Variants in TTC7B observed in about 807,000 individuals in gnomAD.
The protein encoded by TTC7B is tetratricopeptide repeat domain 7B.
A neutral mutation model predicts 106.8 loss-of-function variants in TTC7B; 28 were observed. The observed-to-expected ratio is 0.26, with a 90% CI of 0.19 to 0.36. TTC7B has a LOEUF of 0.36. Among genes scored for constraint, TTC7B ranks in the 10% least tolerant of loss-of-function variants. TTC7B has a pLI of 1.00. For synonymous variants in TTC7B, 405 were observed against 430.6 expected (o/e 0.94, Z 0.74); for missense variants, 862 against 1,076.4 (o/e 0.80, Z 2.79).
intron 5 of TTC7B, among the ~76,000 whole-genome samples, chr14:90,701,317 C>A (rs1887975310): frequency 6.6e-6 from 1 of 152,164 alleles, no homozygotes; most frequent in Non-Finnish European, 1.5e-5. Context: ...TACATTTGGT[C>A]AGCCGGCCAG....
chr14:90,609,794 C>T (rs554341476), intron 17 of TTC7B, among the ~76,000 whole-genome samples: 6 of 152,228 alleles, frequency 3.9e-5, no homozygotes, highest in South Asian at 4.1e-4. Context: ...GTGAGTCTGT[C>T]GAGTCACCCA....
Position 90,578,511 on chromosome 14 carries a change from G to A in TTC7B, c.2108-203C>T, listed in dbSNP as rs1891356740. 6.6e-6 allele frequency among the ~76,000 whole-genome samples: 1 copy of A among 152,030 alleles called. No individual in the cohort carries two copies. Reference sequence around the variant, plus strand: ...GGGGACTGGAGTCACTCGTGTTGTGGGCCTTGCAGGGCAGGCATAGGTCAC... The same window carrying A: ...GGGGACTGGAGTCACTCGTGTTGTGAGCCTTGCAGGGCAGGCATAGGTCAC... On this transcript the variant is annotated intron_variant, in intron 18 of 19. Transcript: ENST00000328459. This position sits in a 1 kb window ranked among gnomAD's most constrained non-coding sequence, Gnocchi z 4.7.
intron 19 of TTC7B, among the ~76,000 whole-genome samples, chr14:90,543,655 A>T (rs971156297): frequency 3.3e-5 from 5 of 152,224 alleles, no homozygotes. Context: ...TTAGAAGTCA[A>T]ATTGCACTTG....
At position 90,608,192 on chromosome 14, in the gene TTC7B, G is replaced by A. The variant is rs1007750360; in HGVS notation, c.1966+2550C>T. On this transcript the variant is annotated intron_variant, in intron 17 of 19. Transcript: ENST00000328459. This position sits in a 1 kb window ranked among gnomAD's most constrained non-coding sequence, Gnocchi z 5.1. ...CTGGGCTTTATTAATCAAGATGGAGGCATTTTTCCCCATTTTTAGGCAAGC... is the reference window on the plus strand; with the variant it reads ...CTGGGCTTTATTAATCAAGATGGAGACATTTTTCCCCATTTTTAGGCAAGC... Among the ~76,000 whole-genome samples, 11 of 152,176 alleles carry A rather than the reference G, an allele frequency of 7.2e-5. No individual in the cohort carries two copies. The highest frequency in any genetic ancestry group is 2.7e-4 in the African/African-American group (11 of 41,428).
At chr14:90,612,092 G>A (rs573206758) in intron 16 of TTC7B, among the ~76,000 whole-genome samples, 7 of 152,210 alleles carry the variant, frequency 4.6e-5, no homozygotes, top group South Asian at 4.2e-4. Context: ...CAATTTCCAC[G>A]TCCAGCGATT....
Position 90,572,729 on chromosome 14 carries a change from C to T in TTC7B, c.2310+5377G>A, listed in dbSNP as rs113234428. ...CAGAAGACAAAAGAGCACTTTTGGG[C>T]CCACCATGCCCGGAACAAAAAGCTT... is the stretch of plus-strand genomic sequence containing the variant. On this transcript the variant is annotated intron_variant, in intron 19 of 19. Transcript: ENST00000328459. 9.3e-3 allele frequency among the ~76,000 whole-genome samples: 1,418 copies of T among 152,268 alleles called. 22 individuals are homozygous for T. The highest frequency in any genetic ancestry group is 0.033 in the African/African-American group (1,361 of 41,546).
chr14:90,796,388 T>C (rs368891155), intron 1 of TTC7B, among the ~76,000 whole-genome samples: 1 of 152,112 alleles, frequency 6.6e-6, no homozygotes. Flanking sequence ...ACCAAGGAGA[T>C]ATGGGGAATG....
intron 3 of TTC7B, among the ~76,000 whole-genome samples, chr14:90,758,492 C>A (rs1443791958): frequency 1.3e-5 from 2 of 151,750 alleles, no homozygotes; most frequent in African/African-American, 4.8e-5. Flanking sequence ...GGCACGGTCC[C>A]AAGGCCGACC....
chr14:90,672,558 C>T (rs892328192), intron 9 of TTC7B, among the ~76,000 whole-genome samples: 2 of 152,164 alleles, frequency 1.3e-5, no homozygotes, highest in African/African-American at 2.4e-5. Context: ...CACTTAATGC[C>T]TATCAGGCCT....
chr14:90,718,730 G>A (rs1321804040), intron 5 of TTC7B, among the ~76,000 whole-genome samples: 1 of 151,832 alleles, frequency 6.6e-6, no homozygotes, highest in Non-Finnish European at 1.5e-5. Context: ...ATGAGCCACA[G>A]CCGTCTCAGC....
chr14:90,757,073 C>T lies in TTC7B; in HGVS notation c.446-12151G>A, dbSNP rs1890327828. The stretch of plus-strand genomic sequence containing the variant: ...AAGAGATCATGGAGTCAGAGACAAA[C>T]AGTTAGCAGAAGGCTTAACGTGGTG... On this transcript the variant is annotated intron_variant, in intron 3 of 19. Coordinates refer to ENST00000328459, the MANE Select transcript of TTC7B (RefSeq NM_001010854.2). This position sits in a 1 kb window ranked among gnomAD's most constrained non-coding sequence, Gnocchi z 4.1. 6.6e-6 allele frequency among the ~76,000 whole-genome samples: 1 copy of T among 152,114 alleles called. No homozygotes were observed. The highest frequency in any genetic ancestry group is 1.5e-5 in the Non-Finnish European group (1 of 68,032).
At chr14:90,614,842 G>T (rs1006064519) in intron 16 of TTC7B, among the ~76,000 whole-genome samples, 1 of 152,242 alleles carries the variant, frequency 6.6e-6, no homozygotes, top group Non-Finnish European at 1.5e-5. Context: ...AATGCTGTGA[G>T]ATTCAGTTCA....
In TTC7B at chr14:90,727,468, A is replaced by G. The variant is rs74084312; in HGVS notation, c.698+2607T>C. Among the ~76,000 whole-genome samples the G allele has an allele frequency of 3.8e-3, 579 of 152,368 alleles. 2 individuals are homozygous for G. The highest frequency in any genetic ancestry group is 0.013 in the African/African-American group (561 of 41,590). On this transcript the variant is annotated intron_variant, in intron 5 of 19. Transcript: ENST00000328459. ...ATGGTGGAGCGGCAACGCTGTGAGG[A>G]CCAGTGACCATGAAGGACAAGTGTT...
chr14:90,771,931 T>C (rs1467114589), intron 3 of TTC7B, among the ~76,000 whole-genome samples: 2 of 145,686 alleles, frequency 1.4e-5, no homozygotes, highest in African/African-American at 5.0e-5. Context: ...TATAAATATA[T>C]ATTTATATGT....
rs10564823 is a variant in TTC7B at position 90,608,068 on chromosome 14, CTGTGT to C, written c.1966+2669_1966+2673del. The stretch of plus-strand genomic sequence containing the variant: ...AAATCAAGGTGAGGGAATAAACAAT[CTGTGT>C]TGTGGGTGGTTCGCAAGGCGGGCTC... On this transcript the variant is annotated intron_variant, in intron 17 of 19. Transcript: ENST00000328459. This position sits in a 1 kb window ranked among gnomAD's most constrained non-coding sequence, Gnocchi z 5.1. Among the ~76,000 whole-genome samples, 33,570 of 151,960 alleles carry C rather than the reference CTGTGT, an allele frequency of 0.22. 3,821 individuals carry two copies. The highest frequency in any genetic ancestry group is 0.29 in the Admixed American group (4,353 of 15,272).
chr14:90,551,778 T>A (rs1027465067), intron 19 of TTC7B, among the ~76,000 whole-genome samples: 1 of 152,200 alleles, frequency 6.6e-6, no homozygotes, highest in Non-Finnish European at 1.5e-5. Context: ...CGGCCCTTTC[T>A]TCTCTGGCAA....
At chr14:90,713,352 G>T (rs1228600587) in intron 5 of TTC7B, among the ~76,000 whole-genome samples, 2 of 152,130 alleles carry the variant, frequency 1.3e-5, no homozygotes, top group Admixed American at 6.6e-5. Context: ...CTGACCTCAG[G>T]TGATCCGCTC....
intron 9 of TTC7B, among the ~76,000 whole-genome samples, chr14:90,660,837 A>G (rs1886173311): frequency 6.6e-6 from 1 of 152,252 alleles, no homozygotes; most frequent in Non-Finnish European, 1.5e-5. Flanking sequence ...TCTATTTAAA[A>G]GCAAAGTAAT....
intron 17 of TTC7B, among the ~76,000 whole-genome samples, chr14:90,596,823 A>T (rs1892225339): frequency 6.6e-6 from 1 of 152,190 alleles, no homozygotes; most frequent in Non-Finnish European, 1.5e-5. Flanking sequence ...GTATTAGGTA[A>T]ATGAGTGTGC....
Sources: allele counts gnomAD v4.1 joint callset (sites outside exome capture counted in the v4.1 genomes callset), GRCh38; gene constraint gnomAD v4.1.1; non-coding constraint Gnocchi (gnomAD v3.1); transcripts MANE v1.5; gene names NCBI Gene and HGNC (gene_info 2026-07-23, HGNC 2026-07-21).